The following SYT1 variants were observed in gnomAD, a reference collection of about 807,000 sequenced individuals.
SYT1 encodes synaptotagmin-1.
A neutral mutation model predicts 44.8 loss-of-function variants in SYT1; 8 were observed. The ratio of observed to expected loss-of-function variants is 0.18; its 90% CI spans 0.10 to 0.32. SYT1 has a LOEUF of 0.32. Among genes scored for constraint, SYT1 ranks in the 10% least tolerant of loss-of-function variants. SYT1 has a pLI of 1.00. For missense variants in SYT1, 286 were observed against 509.3 expected, an observed-to-expected ratio of 0.56 and a Z score of 4.22; for synonymous variants, 154 against 188.8, an observed-to-expected ratio of 0.82 and a Z score of 1.51.
chr12:79,128,065 G>A (rs1868556302), intron 3 of SYT1, among the ~76,000 whole-genome samples: 1 of 152,068 alleles, frequency 6.6e-6, no homozygotes, highest in Non-Finnish European at 1.5e-5. Context: ...ATATAAGGGT[G>A]CATAGATGGA....
chr12:79,253,348 T>A (rs1413543743), intron 4 of SYT1, among the ~76,000 whole-genome samples: 1 of 152,148 alleles, frequency 6.6e-6, no homozygotes. Flanking sequence ...TATTATTGTA[T>A]CTGTTATGGT....
chr12:79,360,288 C>T (rs1422801397), intron 9 of SYT1, among the ~76,000 whole-genome samples: 1 of 151,968 alleles, frequency 6.6e-6, no homozygotes, highest in Non-Finnish European at 1.5e-5. Flanking sequence ...TTCATCAGTC[C>T]AGTATCCTCT....
At chr12:78,940,556 AT>A (rs540879064) in intron 1 of SYT1, among the ~76,000 whole-genome samples, 15 of 148,982 alleles carry the variant, frequency 1.0e-4, no homozygotes, top group African/African-American at 3.2e-4. Context: ...TGCACAGCTG[AT>A]TTTTTTTTTA....
chr12:79,049,408 T>C (rs909124642), intron 3 of SYT1, among the ~76,000 whole-genome samples: 2 of 151,922 alleles, frequency 1.3e-5, no homozygotes, highest in African/African-American at 4.8e-5. Context: ...TAATCTCAGA[T>C]TTTAATTACC....
chr12:79,022,363 G>T (rs540043617), intron 2 of SYT1, among the ~76,000 whole-genome samples: 2 of 151,770 alleles, frequency 1.3e-5, no homozygotes, highest in Admixed American at 6.6e-5. Context: ...CTCAAAGTAT[G>T]ATCTGGGTAC....
intron 3 of SYT1, among the ~76,000 whole-genome samples, chr12:79,071,633 TC>T (rs1876284236): frequency 6.6e-6 from 1 of 152,170 alleles, no homozygotes; most frequent in African/African-American, 2.4e-5. Flanking sequence ...AGGCAGTGCT[TC>T]CTCTGAACTC....
intron 9 of SYT1, among the ~76,000 whole-genome samples, chr12:79,403,663 A>G (rs550777097): frequency 6.6e-6 from 1 of 152,346 alleles, no homozygotes; most frequent in East Asian, 1.9e-4. Context: ...AAAGAGAGAG[A>G]GAGACAGAGA....
In SYT1 at chr12:79,445,424, T is replaced by G. The variant is rs546260443; in HGVS notation, c.1062+1218T>G. On this transcript the variant is annotated intron_variant, in intron 10 of 10. Coordinates refer to ENST00000261205, the MANE Select transcript of SYT1 (RefSeq NM_005639.3). ...AGAATTCATTCCTCCTATGTAGCTGTGATTTTATATCCTTAAACAAATCTC... is the reference window on the plus strand; with the variant it reads ...AGAATTCATTCCTCCTATGTAGCTGGGATTTTATATCCTTAAACAAATCTC... Among the ~76,000 whole-genome samples the G allele has an allele frequency of 5.9e-5, 9 of 152,204 alleles. No individual in the cohort carries two copies. In the East Asian group the frequency reaches 1.7e-3, roughly 29 times the overall value.
At chr12:78,925,466 T>C (rs1203803105) in intron 1 of SYT1, among the ~76,000 whole-genome samples, 1 of 151,960 alleles carries the variant, frequency 6.6e-6, no homozygotes, top group Non-Finnish European at 1.5e-5. Flanking sequence ...ATTTGAAATA[T>C]GACTCTGTTC....
rs1304506860 is a variant in SYT1, at chr12:78,879,111, G to C, written c.-217+14002G>C. ...TTCCCACCCCAGGCTTGGAAGAAGA[G>C]GATATTGGCAAGTATTTGAAGAGAT... On this transcript the variant is annotated intron_variant, in intron 1 of 10. Transcript: ENST00000261205. Among the ~76,000 whole-genome samples, 7 of 151,792 alleles carry C rather than the reference G, an allele frequency of 4.6e-5. No homozygotes were observed. The East Asian group carries it at 1.4e-3, about 30-fold the overall frequency.
chr12:79,067,434 A>G (rs1329361643), intron 3 of SYT1, among the ~76,000 whole-genome samples: 3 of 152,172 alleles, frequency 2.0e-5, no homozygotes, highest in Non-Finnish European at 2.9e-5. Context: ...AGGAAACTAT[A>G]TCTATATAAA....
At chr12:79,214,062 C>G (rs1469864499) in intron 3 of SYT1, among the ~76,000 whole-genome samples, 2 of 152,142 alleles carry the variant, frequency 1.3e-5, no homozygotes. Flanking sequence ...AGTAACTATT[C>G]TTAGGTTTGC....
chr12:79,319,470 C>T (rs7301044), intron 8 of SYT1, among the ~76,000 whole-genome samples: 1,613 of 152,292 alleles, frequency 0.011, 30 homozygotes, highest in African/African-American at 0.037. Flanking sequence ...AGGTTCTTAT[C>T]CATCATGTTA....
At chr12:79,234,864 C>T (rs1244378717) in intron 4 of SYT1, among the ~76,000 whole-genome samples, 1 of 152,074 alleles carries the variant, frequency 6.6e-6, no homozygotes, top group African/African-American at 2.4e-5. Context: ...GCACATGCCA[C>T]CATGCCCAGC....
intron 9 of SYT1, among the ~76,000 whole-genome samples, chr12:79,423,177 T>A (rs1869222220): frequency 2.0e-5 from 3 of 152,140 alleles, no homozygotes; most frequent in Admixed American, 2.0e-4. Context: ...TATGTGTGTG[T>A]GTCTGTGCGC....
chr12:78,934,421 C>T (rs1877937840), intron 1 of SYT1, among the ~76,000 whole-genome samples: 1 of 152,072 alleles, frequency 6.6e-6, no homozygotes, highest in Non-Finnish European at 1.5e-5. Context: ...TCTGTAGTCT[C>T]AGCTACCCAG....
chr12:78,927,891 T>C (rs549342794), intron 1 of SYT1, among the ~76,000 whole-genome samples: 1 of 152,314 alleles, frequency 6.6e-6, no homozygotes, highest in East Asian at 1.9e-4. Flanking sequence ...TTTATGTTAC[T>C]TCATTCTACT....
chr12:79,336,501 C>CT (rs969375031), intron 8 of SYT1, among the ~76,000 whole-genome samples: 1 of 151,942 alleles, frequency 6.6e-6, no homozygotes, highest in Non-Finnish European at 1.5e-5. Context: ...AATTCTTTGC[C>CT]TTTTTTTGTG....
intron 1 of SYT1, among the ~76,000 whole-genome samples, chr12:78,893,953 G>A (rs963911604): frequency 8.6e-5 from 13 of 151,684 alleles, no homozygotes; most frequent in Non-Finnish European, 1.3e-4. Context: ...GAGGAGGCTA[G>A]CAATGGATAT....
Sources: gnomAD v4.1 joint callset for allele counts (sites outside exome capture counted in the v4.1 genomes callset) on GRCh38, gnomAD v4.1.1 for gene constraint, MANE v1.5 for transcripts, NCBI Gene and HGNC (gene_info 2026-07-23, HGNC 2026-07-21) for gene names.